PTH1R: variants seen among roughly 807,000 people sequenced by gnomAD.
The protein encoded by PTH1R is parathyroid hormone/parathyroid hormone-related peptide receptor.
Under a neutral mutation model 70.7 loss-of-function variants are expected in PTH1R, and 32 were observed. That is an observed-to-expected ratio of 0.45 (90% CI 0.34 to 0.61). The LOEUF (loss-of-function observed/expected upper bound fraction) is 0.61. Ranked by LOEUF, PTH1R falls within the 20% of genes least tolerant of loss-of-function variation. The probability of loss-of-function intolerance (pLI) is 0.01; values close to 1 mark genes in which losing one functional copy is unlikely to be tolerated. For synonymous variants in PTH1R, 329 were observed against 324.8 expected (o/e 1.01, Z -0.14); for missense variants, 626 against 792.5 (o/e 0.79, Z 2.52).
rs2032197558 is a variant in PTH1R at position 46,902,679 on chromosome 3, T to C, written c.1353+12T>C. On this transcript the variant is annotated intron_variant, in intron 14 of 15. Coordinates refer to ENST00000449590, the MANE Select transcript of PTH1R (RefSeq NM_000316.3). This position sits in a 1 kb window ranked among gnomAD's most constrained non-coding sequence, Gnocchi z 5.4. ...TCAACTCCTTCCAGGTGCGCAGTGCTGGCCCGGGCCTGGCTGAGGGTGGGA... is the reference window on the plus strand; with the variant it reads ...TCAACTCCTTCCAGGTGCGCAGTGCCGGCCCGGGCCTGGCTGAGGGTGGGA... 1.2e-6 allele frequency: 2 copies of C among 1,611,386 alleles called. No individual in the cohort carries two copies. The highest frequency in any genetic ancestry group is 1.7e-6 in the Non-Finnish European group (2 of 1,179,040).
In PTH1R at chr3:46,883,691, C is replaced by A; in HGVS notation, c.75+57C>A. The A allele has an allele frequency of 6.5e-7, 1 of 1,537,424 alleles. No individual in the cohort carries two copies. The highest frequency in any genetic ancestry group is 8.8e-7 in the Non-Finnish European group (1 of 1,141,462). ...GGCTGCGGGCTTACCCTAGGGTCCG[C>A]GGGATAGGTCTAAGGCACGCAGTCT... On this transcript the variant is annotated intron_variant, in intron 3 of 15. Coordinates refer to ENST00000449590, the MANE Select transcript of PTH1R (RefSeq NM_000316.3). This position sits in a 1 kb window ranked among gnomAD's most constrained non-coding sequence, Gnocchi z 6.4.
intron 1 of PTH1R, among the ~76,000 whole-genome samples, chr3:46,880,066 A>C (rs1021132186): frequency 1.2e-4 from 18 of 152,218 alleles, no homozygotes; most frequent in Non-Finnish European, 1.5e-4. Flanking sequence ...AATAAAGCTG[A>C]GACCATTAAA....
chr3:46,901,112 G>A lies in PTH1R; in HGVS notation c.1049+27G>A. 7 of 1,562,766 alleles carry A rather than the reference G, an allele frequency of 4.5e-6. No homozygotes were observed. The highest frequency in any genetic ancestry group is 6.1e-6 in the Non-Finnish European group (7 of 1,152,054). On this transcript the variant is annotated intron_variant, in intron 11 of 15. Coordinates refer to ENST00000449590, the MANE Select transcript of PTH1R (RefSeq NM_000316.3). This position sits in a 1 kb window ranked among gnomAD's most constrained non-coding sequence, Gnocchi z 7.3. ...TAGGTCCAGGTGGAGAAGGGGCCCAGGCAAGAAGCACCCCTGGGTCCCTTT... is the reference window on the plus strand; with the variant it reads ...TAGGTCCAGGTGGAGAAGGGGCCCAAGCAAGAAGCACCCCTGGGTCCCTTT...
Position 46,883,463 on chromosome 3 carries a change from G to T in PTH1R, c.-48-49G>T. On this transcript the variant is annotated intron_variant, in intron 2 of 15. Transcript: ENST00000449590. This position sits in a 1 kb window ranked among gnomAD's most constrained non-coding sequence, Gnocchi z 6.4. Reference sequence around the variant, plus strand: ...GCCGGGGTCCCATAGGCCGGGGCGTGGGCGGGGCGGCCAGCCTGACGCAGC... The same window carrying T: ...GCCGGGGTCCCATAGGCCGGGGCGTTGGCGGGGCGGCCAGCCTGACGCAGC... 9.2e-7 allele frequency: 1 copy of T among 1,084,530 alleles called. No individual in the cohort carries two copies. Among genetic ancestry groups the T allele is most frequent in the Non-Finnish European group, 1.2e-6 (1 of 850,308 alleles). 67.2% of individuals were successfully genotyped at this position (1,084,530 alleles called of 1,614,324 possible). A position where few individuals can be genotyped will look rare whatever the true frequency, so the allele number is the denominator to read the frequency against.
At position 46,901,352 on chromosome 3, in the gene PTH1R, T is replaced by G; in HGVS notation, c.1050-62T>G. ...TGTCAGACCAGACCAAATCTGGGTC[T>G]CTGTGGGCAGTCTTAGGATGGGAAC... is the stretch of plus-strand genomic sequence containing the variant. On this transcript the variant is annotated intron_variant, in intron 11 of 15. Transcript: ENST00000449590. This position sits in a 1 kb window ranked among gnomAD's most constrained non-coding sequence, Gnocchi z 7.3. 3 of 1,543,286 alleles carry G rather than the reference T, an allele frequency of 1.9e-6. No homozygotes were observed. Among genetic ancestry groups the G allele is most frequent in the Non-Finnish European group, 2.6e-6 (3 of 1,139,938 alleles).
intron 9 of PTH1R, 41 bp from the exon 10 acceptor site, chr3:46,899,261 AG>A (rs1317686175): frequency 1.2e-6 from 2 of 1,612,758 alleles, no homozygotes; most frequent in Admixed American, 3.3e-5. Context: ...GACTTCCCGG[AG>A]GCAGGCCCTG....
chr3:46,890,864 T>G (rs1299477610), intron 3 of PTH1R, among the ~76,000 whole-genome samples: 1 of 152,162 alleles, frequency 6.6e-6, no homozygotes, highest in Non-Finnish European at 1.5e-5. Flanking sequence ...TAAGCAACTT[T>G]CTCAGACACG....
chr3:46,888,394 T>A (rs2031172137), intron 3 of PTH1R, among the ~76,000 whole-genome samples: 1 of 152,254 alleles, frequency 6.6e-6, no homozygotes, highest in Admixed American at 6.5e-5. Context: ...AACTGGGGTT[T>A]TCTTCGGAAT....
At chr3:46,894,098 A>G in intron 4 of PTH1R, 89 bp downstream of exon 4, 2 of 1,372,386 alleles carry the variant, frequency 1.5e-6, no homozygotes, top group Admixed American at 1.9e-5. Context: ...AGCCAGGTGA[A>G]GGCTCTCTGT....
intron 10 of PTH1R, among the ~76,000 whole-genome samples, chr3:46,900,140 C>T (rs1017990025): frequency 3.3e-5 from 5 of 152,184 alleles, no homozygotes; most frequent in African/African-American, 1.2e-4. Context: ...CCTCTCTGCA[C>T]TCAGCACCCA....
intron 1 of PTH1R, among the ~76,000 whole-genome samples, chr3:46,878,183 AG>A (rs2030344925): frequency 3.3e-5 from 5 of 152,194 alleles, no homozygotes; most frequent in African/African-American, 1.2e-4. Context: ...CTGCAAGGGA[AG>A]GGGGCTACCC....
Position 46,901,622 on chromosome 3 carries a change from C to A in PTH1R, c.1116+142C>A. ...AGAGGCCGGAGGACCAGCTGATCCA[C>A]ACTCCAGCCCAGAAAGGAAAACCAA... On this transcript the variant is annotated intron_variant, in intron 12 of 15. Transcript: ENST00000449590. The surrounding 1 kb of genome is among the most constrained non-coding windows in gnomAD (Gnocchi z 7.3). 1.5e-6 allele frequency: 2 copies of A among 1,331,708 alleles called. No individual in the cohort carries two copies. The highest frequency in any genetic ancestry group is 2.1e-6 in the Non-Finnish European group (2 of 950,560). The allele number at this position is 1,331,708 out of a possible 1,614,324, so 82.5% of individuals were successfully genotyped here.
In PTH1R at chr3:46,892,200, C is replaced by T. The variant is rs985366662; in HGVS notation, c.76-1707C>T. Reference sequence around the variant, plus strand: ...GATCTGCTCCAGCCCTTCCTGGGGTCCATAGTACCAGCGGAGATCTCAGGG... The same window carrying T: ...GATCTGCTCCAGCCCTTCCTGGGGTTCATAGTACCAGCGGAGATCTCAGGG... On this transcript the variant is annotated intron_variant, in intron 3 of 15. Transcript: ENST00000449590. The surrounding 1 kb of genome is among the most constrained non-coding windows in gnomAD (Gnocchi z 5.2). Among the ~76,000 whole-genome samples the T allele has an allele frequency of 8.5e-5, 13 of 152,184 alleles. No homozygotes were observed. Among genetic ancestry groups the T allele is most frequent in the Admixed American group, 6.5e-4 (10 of 15,286 alleles).
chr3:46,890,649 CA>C (rs1191603005), intron 3 of PTH1R, among the ~76,000 whole-genome samples: 1 of 151,940 alleles, frequency 6.6e-6, no homozygotes, highest in Non-Finnish European at 1.5e-5. Context: ...ATTACAGGCG[CA>C]CCACCACACC....
Position 46,901,983 on chromosome 3 carries a change from T to G in PTH1R, c.1211+123T>G. On this transcript the variant is annotated intron_variant, in intron 13 of 15. Transcript: ENST00000449590. This position sits in a 1 kb window ranked among gnomAD's most constrained non-coding sequence, Gnocchi z 7.3. ...GGGGCAAGGGAAAGGACCCAGCGTC[T>G]GACTCCCTGGCTGTCCTCACCCACC... 8.9e-7 allele frequency: 1 copy of G among 1,125,272 alleles called. No homozygotes were observed. The highest frequency in any genetic ancestry group is 2.0e-5 in the Admixed American group (1 of 50,582). The allele number at this position is 1,125,272 out of a possible 1,614,324, so 69.7% of individuals were successfully genotyped here. A position where few individuals can be genotyped will look rare whatever the true frequency, so the allele number is the denominator to read the frequency against.
At chr3:46,890,234 C>T (rs975326488) in intron 3 of PTH1R, among the ~76,000 whole-genome samples, 3 of 152,224 alleles carry the variant, frequency 2.0e-5, no homozygotes, top group Non-Finnish European at 4.4e-5. Context: ...GCCCCCAGTC[C>T]ACCCTGGGGC....
In PTH1R at chr3:46,898,851, C is replaced by T. The variant is rs984866297; in HGVS notation, c.828C>T (p.Ala276=). The change falls in exon 9 of 16, where the codon GCC becomes GCT. Residue 276 remains alanine, a synonymous_variant. Transcript: ENST00000449590. ...QAPPPPATAA[A]GYAGCRVAVT... ...CCCCGCCGCCTGCCACCGCCGCTGC[C>T]GGCTACGTGAGTACCCCTCTGCCCG... The T allele has an allele frequency of 1.9e-6, 3 of 1,542,908 alleles. No individual in the cohort carries two copies. The highest frequency in any genetic ancestry group is 1.9e-5 in the Admixed American group (1 of 52,238).
In PTH1R at chr3:46,899,344, G is replaced by T. The variant is rs200475872; in HGVS notation, c.876G>T (p.Leu292=). 5.1e-5 allele frequency: 82 copies of T among 1,613,924 alleles called. No individual in the cohort carries two copies. Among genetic ancestry groups the T allele is most frequent in the Non-Finnish European group, 1.2e-5 (14 of 1,180,022 alleles). The change falls in exon 10 of 16, where the codon CTG becomes CTT. Residue 292 remains leucine, a synonymous_variant. Transcript: ENST00000449590. ...RVAVTFFLYF[L]ATNYYWILVE... ...CTGTGACCTTCTTCCTTTACTTCCT[G>T]GCCACCAACTACTACTGGATTCTGG...
Position 46,903,733 on chromosome 3 carries a change from C to T in PTH1R, c.*77C>T, listed in dbSNP as rs199736123. 7.6e-6 allele frequency: 12 copies of T among 1,589,020 alleles called. No homozygotes were observed. The Admixed American group carries it at 1.0e-4, about 13-fold the overall frequency. On this transcript the variant is annotated 3_prime_UTR_variant, in exon 16 of 16. Coordinates refer to ENST00000449590, the MANE Select transcript of PTH1R (RefSeq NM_000316.3). This position sits in a 1 kb window ranked among gnomAD's most constrained non-coding sequence, Gnocchi z 4.4. ...AAAGATGGGTGGTTGAATGATTTCC[C>T]ACTCAGGGCTGGGGCCAAGAGGAAA...
Sources: gnomAD v4.1 joint callset for allele counts (sites outside exome capture counted in the v4.1 genomes callset) on GRCh38, gnomAD v4.1.1 for gene constraint, Gnocchi (gnomAD v3.1) non-coding constraint, MANE v1.5 for transcripts, NCBI Gene and HGNC (gene_info 2026-07-23, HGNC 2026-07-21) for gene names.